The following PLPPR1 variants were observed in gnomAD, a reference collection of about 807,000 sequenced individuals.
PLPPR1 encodes phospholipid phosphatase-related protein type 1.
In PLPPR1, 10 loss-of-function variants were observed where a neutral mutation model predicts 33.1. That is an observed-to-expected ratio of 0.30 (90% CI 0.19 to 0.51). PLPPR1 has a LOEUF of 0.51. Among genes scored for constraint, PLPPR1 ranks in the 20% least tolerant of loss-of-function variants. The pLI is 0.97. For missense variants in PLPPR1, 304 were observed against 408.1 expected (o/e 0.74, Z 2.20); for synonymous variants, 151 against 151.0 (o/e 1.00, Z 0.00).
At chr9:101,147,302 G>A (rs542491028) in intron 1 of PLPPR1, among the ~76,000 whole-genome samples, 107 of 152,230 alleles carry the variant, frequency 7.0e-4, no homozygotes, top group African/African-American at 2.5e-3. Flanking sequence ...CCCATTTTCT[G>A]TCTTTGGGTG....
intron 1 of PLPPR1, among the ~76,000 whole-genome samples, chr9:101,162,094 T>G (rs1831784150): frequency 8.8e-6 from 1 of 113,882 alleles, no homozygotes. Context: ...AGCCTCAGTA[T>G]CCACAATTGT....
chr9:101,162,004 T>A (rs1421024440), intron 1 of PLPPR1, among the ~76,000 whole-genome samples: 1 of 151,804 alleles, frequency 6.6e-6, no homozygotes, highest in Non-Finnish European at 1.5e-5. Context: ...GACTTTAGAG[T>A]GCCGTGGCCA....
chr9:101,269,745 G>A (rs761664935), intron 2 of PLPPR1, 135 bp from the exon 3 acceptor site: 33 of 788,648 alleles, frequency 4.2e-5, no homozygotes, highest in Non-Finnish European at 6.5e-5. Context: ...AGCACGCTGC[G>A]CCTGGCACGC....
intron 2 of PLPPR1, among the ~76,000 whole-genome samples, chr9:101,190,898 C>G (rs1291152709): frequency 6.6e-6 from 1 of 152,130 alleles, no homozygotes; most frequent in South Asian, 2.1e-4. Flanking sequence ...CAGAATGGAT[C>G]AAGAAGTATA....
intron 2 of PLPPR1, among the ~76,000 whole-genome samples, chr9:101,191,070 G>T (rs751400677): frequency 6.6e-6 from 1 of 152,068 alleles, no homozygotes. Context: ...TAAAAGCCAG[G>T]ATATAAACTT....
intron 1 of PLPPR1, among the ~76,000 whole-genome samples, chr9:101,101,824 T>A (rs928071241): frequency 6.6e-6 from 1 of 152,124 alleles, no homozygotes; most frequent in Non-Finnish European, 1.5e-5. Flanking sequence ...AATAAACCCA[T>A]GAACCCAATA....
chr9:101,304,924 T>G (rs1311675342), intron 4 of PLPPR1, among the ~76,000 whole-genome samples: 1 of 152,114 alleles, frequency 6.6e-6, no homozygotes, highest in Non-Finnish European at 1.5e-5. Context: ...GAAATGCCCA[T>G]GCCTGTGCCC....
chr9:101,303,674 T>G (rs1029884842), intron 4 of PLPPR1, among the ~76,000 whole-genome samples: 1 of 152,174 alleles, frequency 6.6e-6, no homozygotes, highest in Non-Finnish European at 1.5e-5. Flanking sequence ...CGGTTCAGAC[T>G]AAGCAACTGC....
rs182867735 is a variant in PLPPR1, at chr9:101,202,299, C to T, written c.63+16742C>T. 6.6e-5 allele frequency among the ~76,000 whole-genome samples: 10 copies of T among 152,294 alleles called. No individual in the cohort carries two copies. In the East Asian group the frequency reaches 1.9e-3, roughly 29 times the overall value. On this transcript the variant is annotated intron_variant, in intron 2 of 7. Transcript: ENST00000374874. ...GAATTTCATGGTAAGTTCTTATTGG[C>T]AAATTCTGTTCACTGTGGGAATCCT...
At chr9:101,312,181 C>T (rs1935239) in intron 5 of PLPPR1, among the ~76,000 whole-genome samples, 1 of 152,292 alleles carries the variant, frequency 6.6e-6, no homozygotes, top group African/African-American at 2.4e-5. Flanking sequence ...CACAGCTGTC[C>T]TGAGGAATGT....
At chr9:101,198,784 A>G (rs1326293203) in intron 2 of PLPPR1, among the ~76,000 whole-genome samples, 1 of 152,242 alleles carries the variant, frequency 6.6e-6, no homozygotes, top group African/African-American at 2.4e-5. Flanking sequence ...GGCATGGACC[A>G]AGACCTATAA....
intron 1 of PLPPR1, among the ~76,000 whole-genome samples, chr9:101,151,285 A>G (rs756248418): frequency 6.6e-6 from 1 of 152,184 alleles, no homozygotes; most frequent in African/African-American, 2.4e-5. Context: ...ACAACTTTAA[A>G]ATGTAGGAAA....
rs113762343 is a variant in PLPPR1 at position 101,309,446 on chromosome 9, C to T, written c.621C>T (p.Ser207=). The part of the protein sequence containing the change: ...PSKHAALSIY[S]ALYATMYITS... ...AACACGCTGCTCTGAGCATTTACTC[C>T]GCCTTATATGCCACGGTGAGTGTGC... is the stretch of plus-strand genomic sequence containing the variant. The change falls in exon 5 of 8, where the codon TCC becomes TCT. Residue 207 remains serine (S), a synonymous_variant. Transcript: ENST00000374874. 48 of 1,613,952 alleles carry T rather than the reference C, an allele frequency of 3.0e-5. No homozygotes were observed. Among genetic ancestry groups the T allele is most frequent in the African/African-American group, 2.0e-4 (15 of 74,992 alleles).
rs138764786 is a variant in PLPPR1 at position 101,262,986 on chromosome 9, G to T, written c.64-6894G>T. Among the ~76,000 whole-genome samples the T allele has an allele frequency of 4.3e-3, 658 of 152,038 alleles. 4 individuals carry two copies. The highest frequency in any genetic ancestry group is 0.015 in the African/African-American group (635 of 41,478). On this transcript the variant is annotated intron_variant, in intron 2 of 7. Transcript: ENST00000374874. ...ACCTGGACACAGGGAGTGGAACATC[G>T]CACACCAGGGCCTGTCAGTGGGTAG... is the stretch of plus-strand genomic sequence containing the variant.
At chr9:101,045,212 A>G (rs116815848) in intron 1 of PLPPR1, among the ~76,000 whole-genome samples, 1,859 of 152,340 alleles carry the variant, frequency 0.012, 41 homozygotes, top group African/African-American at 0.043. Flanking sequence ...GAGTGGGAGC[A>G]GCTAAAACCA....
At chr9:101,062,900 T>A (rs1443916221) in intron 1 of PLPPR1, among the ~76,000 whole-genome samples, 1 of 152,060 alleles carries the variant, frequency 6.6e-6, no homozygotes, top group Non-Finnish European at 1.5e-5. Context: ...ATCCTCATGA[T>A]GATGATACCT....
rs575167528 is a variant in PLPPR1, at chr9:101,203,221, A to G, written c.63+17664A>G. 1.8e-4 allele frequency among the ~76,000 whole-genome samples: 28 copies of G among 152,306 alleles called. No homozygotes were observed. In the South Asian group the frequency reaches 5.2e-3, roughly 28 times the overall value. The stretch of plus-strand genomic sequence containing the variant: ...TTGGTATGTCTTCTATAACCAGGCT[A>G]TGTTACAGATGGAGCAAGATGGAGC... On this transcript the variant is annotated intron_variant, in intron 2 of 7. Transcript: ENST00000374874.
intron 1 of PLPPR1, among the ~76,000 whole-genome samples, chr9:101,154,257 A>G (rs1030471183): frequency 2.6e-5 from 4 of 151,962 alleles, no homozygotes; most frequent in East Asian, 1.9e-4. Flanking sequence ...CTCTTTTTCT[A>G]TTGATTGGAA....
chr9:101,200,344 C>T (rs1277156164), intron 2 of PLPPR1, among the ~76,000 whole-genome samples: 1 of 152,086 alleles, frequency 6.6e-6, no homozygotes, highest in Admixed American at 6.6e-5. Flanking sequence ...CTATCCCATC[C>T]CTTTGGGAAG....
Sources: gnomAD v4.1 joint callset for allele counts (sites outside exome capture counted in the v4.1 genomes callset) on GRCh38, gnomAD v4.1.1 for gene constraint, MANE v1.5 for transcripts, NCBI Gene and HGNC (gene_info 2026-07-23, HGNC 2026-07-21) for gene names.